The following ZEB1 variants were observed in gnomAD, a reference collection of about 807,000 sequenced individuals.
The protein encoded by ZEB1 is zinc finger E-box-binding homeobox 1.
A neutral mutation model predicts 84.9 loss-of-function variants in ZEB1; 21 were observed. The ratio of observed to expected loss-of-function variants is 0.25; its 90% CI spans 0.18 to 0.36. ZEB1 has a LOEUF of 0.36. ZEB1 is among the 10% of genes least tolerant of loss of function. ZEB1 has a pLI of 1.00. For synonymous variants in ZEB1, 420 were observed against 471.1 expected, an observed-to-expected ratio of 0.89 and a Z score of 1.41; for missense variants, 1,104 against 1,330.2, an observed-to-expected ratio of 0.83 and a Z score of 2.65.
At chr10:31,330,495 G>A (rs905831658) in intron 1 of ZEB1, among the ~76,000 whole-genome samples, 8 of 152,122 alleles carry the variant, frequency 5.3e-5, no homozygotes, top group African/African-American at 1.9e-4. Flanking sequence ...TGTCTTCAAG[G>A]TTTCTTATTT....
At chr10:31,416,459 T>C (rs1244130795) in intron 1 of ZEB1, among the ~76,000 whole-genome samples, 3 of 152,222 alleles carry the variant, frequency 2.0e-5, no homozygotes, top group East Asian at 3.9e-4. Flanking sequence ...TACATAATGG[T>C]CTTGAACCAA....
intron 1 of ZEB1, among the ~76,000 whole-genome samples, chr10:31,327,374 G>C (rs1018822620): frequency 6.6e-6 from 1 of 151,958 alleles, no homozygotes; most frequent in African/African-American, 2.4e-5. Context: ...GCCTCCCAAA[G>C]TGCTGGGATT....
intron 5 of ZEB1, among the ~76,000 whole-genome samples, chr10:31,514,270 A>G (rs1028795866): frequency 4.6e-5 from 7 of 152,108 alleles, no homozygotes; most frequent in African/African-American, 1.7e-4. Context: ...GTTCCTAGCA[A>G]AGTATATATT....
At chr10:31,352,754 G>A (rs899275153) in intron 1 of ZEB1, among the ~76,000 whole-genome samples, 8 of 152,100 alleles carry the variant, frequency 5.3e-5, no homozygotes, top group African/African-American at 1.7e-4. Flanking sequence ...TGTTCCAAGG[G>A]CAAAGAAGCT....
At chr10:31,407,158 A>G (rs559121671) in intron 1 of ZEB1, among the ~76,000 whole-genome samples, 1 of 151,524 alleles carries the variant, frequency 6.6e-6, no homozygotes, top group Non-Finnish European at 1.5e-5. Context: ...GGTTAGTTAC[A>G]TATGTATACA....
intron 2 of ZEB1, among the ~76,000 whole-genome samples, chr10:31,473,624 G>T (rs1428879489): frequency 6.7e-6 from 1 of 149,080 alleles, no homozygotes; most frequent in African/African-American, 2.5e-5. Flanking sequence ...CGTGAAAATG[G>T]CCATACTGCC....
At position 31,394,048 on chromosome 10, in the gene ZEB1, A is replaced by T. The variant is rs116717139; in HGVS notation, c.59-66989A>T. 5.6e-3 allele frequency among the ~76,000 whole-genome samples: 849 copies of T among 152,308 alleles called. 13 individuals are homozygous for T. The highest frequency in any genetic ancestry group is 0.02 in the African/African-American group (814 of 41,566). The stretch of plus-strand genomic sequence containing the variant: ...TTGCCTGCCCTCACAGCTAAAGAGG[A>T]GTGATGGTGGGAAAGTGGAAGTGAT... On this transcript the variant is annotated intron_variant, in intron 1 of 8. Transcript: ENST00000424869.
chr10:31,517,223 A>G (rs1020126429), intron 6 of ZEB1, among the ~76,000 whole-genome samples: 2 of 151,994 alleles, frequency 1.3e-5, no homozygotes, highest in Non-Finnish European at 2.9e-5. Context: ...CCAAAATTAT[A>G]CTCTCTAAAA....
chr10:31,406,157 A>G (rs1232568062), intron 1 of ZEB1, among the ~76,000 whole-genome samples: 3 of 152,128 alleles, frequency 2.0e-5, no homozygotes, highest in Non-Finnish European at 4.4e-5. Flanking sequence ...AAACATACAT[A>G]TGCGTGTGTC....
chr10:31,468,818 A>G (rs753503266), intron 2 of ZEB1, among the ~76,000 whole-genome samples: 1 of 152,206 alleles, frequency 6.6e-6, no homozygotes, highest in Non-Finnish European at 1.5e-5. Context: ...AATAAGTGCC[A>G]GCTTCTACAC....
At chr10:31,348,660 A>G (rs1306588380) in intron 1 of ZEB1, among the ~76,000 whole-genome samples, 1 of 152,212 alleles carries the variant, frequency 6.6e-6, no homozygotes, top group Non-Finnish European at 1.5e-5. Context: ...CATTTCAAAT[A>G]GAAAATGAAA....
chr10:31,376,338 T>G (rs1040709961), intron 1 of ZEB1, among the ~76,000 whole-genome samples: 1 of 151,822 alleles, frequency 6.6e-6, no homozygotes, highest in Non-Finnish European at 1.5e-5. Context: ...GAAATGAGGT[T>G]GTTCATTTTG....
At chr10:31,472,306 G>C (rs2063382911) in intron 2 of ZEB1, among the ~76,000 whole-genome samples, 1 of 151,206 alleles carries the variant, frequency 6.6e-6, no homozygotes, top group Admixed American at 6.6e-5. Flanking sequence ...AAAATAGATA[G>C]ACCACTAGCA....
chr10:31,321,090 ACT>A lies in ZEB1; in HGVS notation c.58+1804_58+1805del, dbSNP rs958063721. On this transcript the variant is annotated intron_variant, in intron 1 of 8. Transcript: ENST00000424869. ...CGAGGAAATACGTGTTTAGGAGAAA[ACT>A]CTCTCGTGCTCCCCCAGCCCCACCC... is the stretch of plus-strand genomic sequence containing the variant. 9.2e-6 allele frequency: 9 copies of A among 981,656 alleles called. No homozygotes were observed. The South Asian group carries it at 1.3e-4, about 14-fold the overall frequency. 60.8% of individuals were successfully genotyped at this position (981,656 alleles called of 1,614,324 possible).
intron 1 of ZEB1, among the ~76,000 whole-genome samples, chr10:31,383,107 A>T (rs1475054114): frequency 1.4e-5 from 2 of 147,208 alleles, no homozygotes; most frequent in South Asian, 2.1e-4. Context: ...TATATATATA[A>T]AATGCCCAGC....
chr10:31,446,295 A>G (rs893571133), intron 1 of ZEB1, among the ~76,000 whole-genome samples: 1 of 151,584 alleles, frequency 6.6e-6, no homozygotes, highest in Non-Finnish European at 1.5e-5. Flanking sequence ...CGTCTATTTG[A>G]TTCTTCTCTC....
chr10:31,491,804 G>A (rs746902663), intron 2 of ZEB1, among the ~76,000 whole-genome samples: 1 of 151,864 alleles, frequency 6.6e-6, no homozygotes, highest in Non-Finnish European at 1.5e-5. Context: ...AAGTTAATGG[G>A]TGTTCATGGA....
chr10:31,520,750 A>G lies in ZEB1; in HGVS notation c.1418A>G (p.Lys473Arg). ...TTGGTTGATCAAGATGGAACAACCA[A>G]AATTATCATCAACTACAGTCTTGAG... ...LPLVDQDGTT[K>R]IIINYSLEQP... The change falls in exon 7 of 9, where the codon AAA (lysine) becomes AGA (arginine). Residue 473 changes from lysine (K) to arginine (R), a missense_variant. Lys to Arg is a conservative substitution (Grantham distance 26). Around this residue, in one of 7 missense-constraint regions of ZEB1, gnomAD observed 531 missense variants for 575.2 expected, o/e 0.92. Coordinates refer to ENST00000424869, the MANE Select transcript of ZEB1 (RefSeq NM_001174096.2). The surrounding 1 kb of genome is among the most constrained non-coding windows in gnomAD (Gnocchi z 5.1). 6.2e-7 allele frequency: 1 copy of G among 1,614,122 alleles called. No individual in the cohort carries two copies. The highest frequency in any genetic ancestry group is 1.1e-5 in the South Asian group (1 of 91,086).
At chr10:31,345,244 C>G (rs1001350901) in intron 1 of ZEB1, among the ~76,000 whole-genome samples, 5 of 151,934 alleles carry the variant, frequency 3.3e-5, no homozygotes, top group Non-Finnish European at 7.4e-5. Context: ...TTGTCAGTTA[C>G]TCCATTTACC....
Sources: allele counts gnomAD v4.1 joint callset (sites outside exome capture counted in the v4.1 genomes callset), GRCh38; gene constraint gnomAD v4.1.1; regional missense constraint gnomAD v4.1.1; non-coding constraint Gnocchi (gnomAD v3.1); transcripts MANE v1.5; gene names NCBI Gene and HGNC (gene_info 2026-07-23, HGNC 2026-07-21).